The following PCDH11X variants were observed in gnomAD, a reference collection of about 807,000 sequenced individuals.
The protein encoded by PCDH11X is protocadherin 11 X-linked.
PCDH11X carries 18 observed loss-of-function variants against 53.3 expected under a neutral mutation model. The observed-to-expected ratio is 0.34, with a 90% CI of 0.23 to 0.50. The LOEUF is 0.50. Among genes scored for constraint, PCDH11X ranks in the 20% least tolerant of loss-of-function variants. The probability of loss-of-function intolerance (pLI) is 0.98; values close to 1 mark genes in which losing one functional copy is unlikely to be tolerated. For synonymous variants in PCDH11X, 279 were observed against 393.3 expected (o/e 0.71, Z 3.44); for missense variants, 570 against 1,032.4 (o/e 0.55, Z 6.14).
At chrX:91,851,498 G>A (rs1938009906) in intron 5 of PCDH11X, among the ~76,000 whole-genome samples, 1 of 111,670 alleles carries the variant, frequency 9.0e-6, no homozygotes, top group South Asian at 3.7e-4. Context: ...CATAGTAGGT[G>A]TACGTATTTG....
At chrX:91,806,752 A>G (rs762536810) in intron 1 of PCDH11X, among the ~76,000 whole-genome samples, 46 of 112,186 alleles carry the variant, frequency 4.1e-4, no homozygotes, top group African/African-American at 8.4e-4. Flanking sequence ...AAACTTTCTT[A>G]CCATTGACAG....
chrX:91,819,650 T>C lies in PCDH11X; in HGVS notation c.-45+8355T>C, dbSNP rs1477631737. ...CATTTCTTTTTTTTTTTCCTTTCTT[T>C]TTTTTATTTTTATTTTTATTTTTAT... On this transcript the variant is annotated intron_variant, in intron 4 of 10. Coordinates refer to ENST00000682573, the MANE Select transcript of PCDH11X (RefSeq NM_032968.5). Among the ~76,000 whole-genome samples, 12 of 109,257 alleles carry C rather than the reference T, an allele frequency of 1.1e-4. No homozygotes were observed. The Admixed American group carries it at 1.2e-3, about 11-fold the overall frequency. The allele number at this position is 109,257 out of a possible 115,157, so 94.9% of individuals were successfully genotyped here. A position where few individuals can be genotyped will look rare whatever the true frequency, so the allele number is the denominator to read the frequency against.
intron 4 of PCDH11X, among the ~76,000 whole-genome samples, chrX:91,820,141 T>G (rs1424558470): frequency 1.1e-5 from 1 of 93,588 alleles, no homozygotes; most frequent in Non-Finnish European, 2.0e-5. Flanking sequence ...TACGTGTGCA[T>G]GTGTCTTTAT....
chrX:91,988,803 C>G (rs1013837729), intron 6 of PCDH11X, among the ~76,000 whole-genome samples: 1 of 111,532 alleles, frequency 9.0e-6, no homozygotes, highest in African/African-American at 3.3e-5. Flanking sequence ...ATCCGGAACT[C>G]AATACAATCG....
intron 6 of PCDH11X, among the ~76,000 whole-genome samples, chrX:92,103,364 AC>A (rs1341508609): frequency 9.0e-6 from 1 of 111,027 alleles, no homozygotes; most frequent in Non-Finnish European, 1.9e-5. Flanking sequence ...AGGGAAACAG[AC>A]CCTTGAAAAG....
intron 7 of PCDH11X, among the ~76,000 whole-genome samples, chrX:92,257,012 G>T (rs2067605390): frequency 9.0e-6 from 1 of 111,541 alleles, no homozygotes; most frequent in Non-Finnish European, 1.9e-5. Flanking sequence ...TATAAGGAAA[G>T]AAGTTAAATT....
intron 8 of PCDH11X, among the ~76,000 whole-genome samples, chrX:92,321,537 G>C (rs1012204288): frequency 1.8e-5 from 2 of 111,392 alleles, no homozygotes; most frequent in African/African-American, 6.5e-5. Flanking sequence ...GCCAGTGCTT[G>C]TTTAGCTGCT....
chrX:92,492,677 G>A (rs1211646678), intron 10 of PCDH11X, among the ~76,000 whole-genome samples: 11 of 108,729 alleles, frequency 1.0e-4, no homozygotes, highest in African/African-American at 3.7e-4. Context: ...CCATCTCTGT[G>A]TACAAAAAGG....
intron 10 of PCDH11X, among the ~76,000 whole-genome samples, chrX:92,487,243 G>A (rs111604653): frequency 0.053 from 5,287 of 99,853 alleles, 330 homozygotes; most frequent in African/African-American, 0.17. Flanking sequence ...AGTAGGATGG[G>A]GGTTTCACCA....
chrX:91,959,160 C>G (rs925264136), intron 6 of PCDH11X, among the ~76,000 whole-genome samples: 18 of 105,872 alleles, frequency 1.7e-4, no homozygotes, highest in African/African-American at 5.6e-4. Flanking sequence ...ATTTTTTAAA[C>G]TTTATTGAGC....
intron 10 of PCDH11X, among the ~76,000 whole-genome samples, chrX:92,541,556 G>GTTT (rs1449084159): frequency 9.0e-6 from 1 of 111,464 alleles, no homozygotes; most frequent in African/African-American, 3.3e-5. Flanking sequence ...TTCTCTGTGT[G>GTTT]CAGATACTTG....
intron 8 of PCDH11X, among the ~76,000 whole-genome samples, chrX:92,378,826 C>T (rs1179630152): frequency 2.7e-5 from 3 of 112,803 alleles, no homozygotes; most frequent in Non-Finnish European, 5.6e-5. Context: ...TCCCAAAGGC[C>T]AACTTCCAGA....
chrX:92,112,478 A>T (rs1452619675), intron 6 of PCDH11X, among the ~76,000 whole-genome samples: 2 of 110,367 alleles, frequency 1.8e-5, no homozygotes, highest in Admixed American at 1.9e-4. Flanking sequence ...ACTATTAATG[A>T]TTTTCATCCT....
chrX:92,087,769 A>G (rs1053751451), intron 6 of PCDH11X, among the ~76,000 whole-genome samples: 3 of 110,364 alleles, frequency 2.7e-5, no homozygotes, highest in Non-Finnish European at 5.7e-5. Flanking sequence ...CCAGCAAGCT[A>G]AAAATGGAAT....
intron 10 of PCDH11X, among the ~76,000 whole-genome samples, chrX:92,535,834 C>T (rs1213127333): frequency 9.0e-6 from 1 of 110,921 alleles, no homozygotes; most frequent in African/African-American, 3.3e-5. Flanking sequence ...AAATAATCTT[C>T]TTAAGTCTTT....
At chrX:92,197,362 G>A (rs2066308786) in intron 6 of PCDH11X, among the ~76,000 whole-genome samples, 2 of 111,624 alleles carry the variant, frequency 1.8e-5, no homozygotes, top group South Asian at 7.4e-4. Context: ...TAGAAAATAT[G>A]TCCTGTAACA....
chrX:91,890,242 A>G (rs1940413298), intron 6 of PCDH11X, among the ~76,000 whole-genome samples: 1 of 111,803 alleles, frequency 8.9e-6, no homozygotes, highest in Non-Finnish European at 1.9e-5. Flanking sequence ...AAAAAGTAAG[A>G]TAAACTTCAA....
chrX:92,373,431 C>T (rs1054798798), intron 8 of PCDH11X, among the ~76,000 whole-genome samples: 24 of 111,434 alleles, frequency 2.2e-4, no homozygotes, highest in Non-Finnish European at 4.1e-4. Context: ...GGATATCTTT[C>T]GCATGGGAAT....
intron 6 of PCDH11X, among the ~76,000 whole-genome samples, chrX:92,117,670 T>C (rs2064668364): frequency 9.0e-6 from 1 of 111,368 alleles, no homozygotes; most frequent in Admixed American, 9.7e-5. Context: ...CCACATTAAA[T>C]ACAGGAAGGA....
Sources: allele counts gnomAD v4.1 joint callset (sites outside exome capture counted in the v4.1 genomes callset), GRCh38; gene constraint gnomAD v4.1.1; transcripts MANE v1.5; gene names NCBI Gene and HGNC (gene_info 2026-07-23, HGNC 2026-07-21).